PLXNA4: variants seen among roughly 807,000 people sequenced by gnomAD.
The protein encoded by PLXNA4 is plexin A4, also known as plexin-A4.
PLXNA4 carries 44 observed loss-of-function variants against 191.8 expected under a neutral mutation model. The ratio of observed to expected loss-of-function variants is 0.23; its 90% CI spans 0.18 to 0.29. The LOEUF (loss-of-function observed/expected upper bound fraction) is 0.29. Ranked by LOEUF, PLXNA4 falls within the 10% of genes least tolerant of loss-of-function variation. The pLI, the probability that PLXNA4 is intolerant of heterozygous loss-of-function variation, is 1.00. For synonymous variants in PLXNA4, 1,082 were observed against 1,009.5 expected (o/e 1.07, Z -1.36); for missense variants, 1,800 against 2,488.8 (o/e 0.72, Z 5.89).
chr7:132,320,853 T>A (rs537511226), intron 3 of PLXNA4, among the ~76,000 whole-genome samples: 168 of 152,280 alleles, frequency 1.1e-3, no homozygotes, highest in African/African-American at 4.0e-3. Context: ...AAGCCAGCAA[T>A]CTGTATTTAA....
chr7:132,264,702 T>C (rs1799781956), intron 4 of PLXNA4, among the ~76,000 whole-genome samples: 2 of 113,514 alleles, frequency 1.8e-5, no homozygotes, highest in Admixed American at 9.0e-5. Context: ...TTTTTTTTTT[T>C]CTTTTTCTTT....
At chr7:132,558,710 A>AT (rs1282898857) in intron 1 of PLXNA4, among the ~76,000 whole-genome samples, 1 of 152,198 alleles carries the variant, frequency 6.6e-6, no homozygotes, top group African/African-American at 2.4e-5. Context: ...TCTTTGTCCA[A>AT]TTTGACATCA....
chr7:132,150,458 G>A (rs1795563339), intron 25 of PLXNA4, among the ~76,000 whole-genome samples: 1 of 152,160 alleles, frequency 6.6e-6, no homozygotes, highest in South Asian at 2.1e-4. Context: ...CCACTTGCAT[G>A]GTGAGTGGCA....
chr7:132,133,081 T>G lies in PLXNA4; in HGVS notation c.5557A>C (p.Ile1853Leu). 6.2e-7 allele frequency: 1 copy of G among 1,614,114 alleles called. No individual in the cohort carries two copies. The highest frequency in any genetic ancestry group is 8.5e-7 in the Non-Finnish European group (1 of 1,180,010). ...EFNTMSALSEIFSYVGKYSEE... is the reference protein window; with the variant it reads ...EFNTMSALSELFSYVGKYSEE... Reference sequence around the variant, plus strand: ...CTGTATTTGCCCACATAGGAGAAGATCTCTGAGAGTGCACTCATGGTGTTG... The same window carrying G: ...CTGTATTTGCCCACATAGGAGAAGAGCTCTGAGAGTGCACTCATGGTGTTG... Residue 1853 changes from isoleucine to leucine, a missense_variant, in exon 31 of 32, where the codon ATC (isoleucine) becomes CTC (leucine). Ile to Leu is a conservative substitution (Grantham distance 5). Transcript: ENST00000321063.
intron 30 of PLXNA4, 41 bp downstream of exon 30, chr7:132,140,558 C>T (rs779110101): frequency 1.1e-5 from 18 of 1,603,486 alleles, no homozygotes; most frequent in Non-Finnish European, 1.4e-5. Context: ...CTGCTGGCTC[C>T]AGCAAGGGGC....
At chr7:132,530,322 CA>C (rs1164866725) in intron 1 of PLXNA4, among the ~76,000 whole-genome samples, 2 of 152,092 alleles carry the variant, frequency 1.3e-5, no homozygotes, top group East Asian at 3.9e-4. Context: ...CAAAAGGTAA[CA>C]AACATAAAGA....
At chr7:132,511,174 A>G (rs187434056) in intron 1 of PLXNA4, among the ~76,000 whole-genome samples, 1 of 152,176 alleles carries the variant, frequency 6.6e-6, no homozygotes, top group African/African-American at 2.4e-5. Context: ...GGAAGCATAG[A>G]CGAATACCAA....
intron 3 of PLXNA4, among the ~76,000 whole-genome samples, chr7:132,371,658 C>T (rs558262681): frequency 2.2e-4 from 34 of 152,214 alleles, no homozygotes; most frequent in South Asian, 1.2e-3. Context: ...CGAGTGGGGA[C>T]GGAGACAGTG....
intron 3 of PLXNA4, among the ~76,000 whole-genome samples, chr7:132,424,378 C>T (rs1001825890): frequency 1.3e-5 from 2 of 152,056 alleles, no homozygotes; most frequent in East Asian, 1.9e-4. Context: ...GGGAGCTCAG[C>T]TGGAGAGCCC....
At chr7:132,618,601 C>A (rs1563196288) in intron 2 of PLXNA4, among the ~76,000 whole-genome samples, 1 of 152,166 alleles carries the variant, frequency 6.6e-6, no homozygotes, top group Non-Finnish European at 1.5e-5. Context: ...CCTCCTTGTC[C>A]TCTAGGCCAG....
chr7:132,215,201 C>A (rs1797926999), intron 9 of PLXNA4, among the ~76,000 whole-genome samples: 1 of 152,224 alleles, frequency 6.6e-6, no homozygotes, highest in Non-Finnish European at 1.5e-5. Flanking sequence ...GGGGGACTGG[C>A]AGGGAGGTCC....
At chr7:132,565,684 T>C (rs542813329) in intron 1 of PLXNA4, among the ~76,000 whole-genome samples, 1 of 152,280 alleles carries the variant, frequency 6.6e-6, no homozygotes, top group East Asian at 1.9e-4. Flanking sequence ...TAGTCCCCCG[T>C]GGGCCTGAGC....
At chr7:132,221,708 C>G (rs2116948583) in intron 9 of PLXNA4, among the ~76,000 whole-genome samples, 1 of 152,300 alleles carries the variant, frequency 6.6e-6, no homozygotes, top group African/African-American at 2.4e-5. Context: ...ATCCAAGATG[C>G]AACCACTCTC....
At chr7:132,471,553 C>T (rs1796935477) in intron 3 of PLXNA4, among the ~76,000 whole-genome samples, 2 of 152,186 alleles carry the variant, frequency 1.3e-5, no homozygotes, top group South Asian at 4.1e-4. Flanking sequence ...CCCTGCTCCT[C>T]ATCAGTCTCC....
intron 10 of PLXNA4, among the ~76,000 whole-genome samples, chr7:132,208,200 A>T (rs1051504499): frequency 6.6e-6 from 1 of 152,160 alleles, no homozygotes; most frequent in African/African-American, 2.4e-5. Context: ...ATGAAAAGAG[A>T]GGCTCCCAGG....
chr7:132,145,786 G>A (rs970027186), intron 28 of PLXNA4, among the ~76,000 whole-genome samples: 12 of 151,902 alleles, frequency 7.9e-5, no homozygotes, highest in South Asian at 4.2e-4. Flanking sequence ...AAATGGTGCC[G>A]GAGGCCAGAC....
chr7:132,323,360 C>T (rs1248396473), intron 3 of PLXNA4, among the ~76,000 whole-genome samples: 2 of 152,234 alleles, frequency 1.3e-5, no homozygotes, highest in African/African-American at 4.8e-5. Flanking sequence ...TTTCATTTTA[C>T]AAAGTAGAGT....
intron 3 of PLXNA4, among the ~76,000 whole-genome samples, chr7:132,424,872 C>T (rs897890793): frequency 6.8e-4 from 103 of 152,326 alleles, no homozygotes; most frequent in African/African-American, 2.2e-3. Context: ...GTGCTAGAGC[C>T]GAGTCCTGAC....
chr7:132,306,836 C>T (rs1283467535), intron 3 of PLXNA4, among the ~76,000 whole-genome samples: 1 of 152,096 alleles, frequency 6.6e-6, no homozygotes, highest in Non-Finnish European at 1.5e-5. Flanking sequence ...CTAGAATTTT[C>T]CCTTTCTCAT....
Sources: gnomAD v4.1 joint callset for allele counts (sites outside exome capture counted in the v4.1 genomes callset) on GRCh38, gnomAD v4.1.1 for gene constraint, MANE v1.5 for transcripts, NCBI Gene and HGNC (gene_info 2026-07-23, HGNC 2026-07-21) for gene names.